The following HDX variants were observed in gnomAD, a reference collection of about 807,000 sequenced individuals.
HDX encodes the protein highly divergent homeobox.
HDX carries 19 observed loss-of-function variants against 45.2 expected under a neutral mutation model. The ratio of observed to expected loss-of-function variants is 0.42; its 90% CI spans 0.29 to 0.62. HDX has a LOEUF of 0.62. Ranked by LOEUF, HDX falls within the 20% of genes least tolerant of loss-of-function variation. The pLI is 0.20. For missense variants in HDX, 532 were observed against 493.9 expected (o/e 1.08, Z -0.73); for synonymous variants, 188 against 172.8 (o/e 1.09, Z -0.69).
At chrX:84,455,489 C>T (rs573780666) in intron 4 of HDX, among the ~76,000 whole-genome samples, 36 of 111,488 alleles carry the variant, frequency 3.2e-4, no homozygotes, top group African/African-American at 1.0e-3. Flanking sequence ...AAAGAATTGG[C>T]GAGCTTGGAG....
Position 84,347,793 on chromosome X carries a change from TGAGG to T in HDX, c.1453-3340_1453-3337del, listed in dbSNP as rs764261853. ...ACTGCCTTCTTGCTTGCATAGTTTC[TGAGG>T]AAAAGTCAGATTTAATTCTTATTTT... On this transcript the variant is annotated intron_variant, in intron 6 of 10. Coordinates refer to ENST00000373177, the MANE Select transcript of HDX (RefSeq NM_001177479.2). Among the ~76,000 whole-genome samples the T allele has an allele frequency of 2.6e-3, 291 of 111,890 alleles. 2 individuals are homozygous for T. The highest frequency in any genetic ancestry group is 9.1e-3 in the African/African-American group (282 of 30,884).
chrX:84,378,802 AT>A (rs1257471513), intron 5 of HDX, among the ~76,000 whole-genome samples: 2 of 111,567 alleles, frequency 1.8e-5, no homozygotes, highest in Non-Finnish European at 3.8e-5. Context: ...GTCCTTACTT[AT>A]TGATAATAAC....
chrX:84,501,470 G>T (rs1011703983), intron 1 of HDX: 1 of 111,910 alleles, frequency 8.9e-6, no homozygotes, highest in African/African-American at 3.2e-5. Flanking sequence ...TCTTTCCAAA[G>T]AATTTAAGGT....
At chrX:84,359,850 C>A (rs762130572) in intron 6 of HDX, among the ~76,000 whole-genome samples, 4 of 111,620 alleles carry the variant, frequency 3.6e-5, no homozygotes, top group Non-Finnish European at 7.5e-5. Context: ...CAAGGCAATA[C>A]CATTCAGGAC....
At chrX:84,477,773 T>G (rs149444492) in intron 2 of HDX, among the ~76,000 whole-genome samples, 1,732 of 111,888 alleles carry the variant, frequency 0.015, 27 homozygotes, top group African/African-American at 0.053. Context: ...ACTTTTAAAG[T>G]TGGGTTTTTA....
In HDX at chrX:84,469,044, T is replaced by C; in HGVS notation, c.679A>G (p.Ile227Val). The part of the protein sequence containing the change: ...HRPCKIEPVG[I>V]QRSYKPEHTG... ...TGTTCAGGCTTATATGACCTTTGAA[T>C]CCCAACTGGTTCAATTTTACAAGGT... The change falls in exon 4 of 11, where the codon ATT becomes GTT. Residue 227 changes from isoleucine to valine, a missense_variant. Ile to Val is a conservative substitution (Grantham distance 29, BLOSUM62 3). Transcript: ENST00000373177. 8.3e-7 allele frequency: 1 copy of C among 1,209,955 alleles called. No individual in the cohort carries two copies. Among genetic ancestry groups the C allele is most frequent in the Non-Finnish European group, 1.1e-6 (1 of 895,147 alleles).
rs192187251 is a variant in HDX, at chrX:84,346,009, T to C, written c.1453-1552A>G. On this transcript the variant is annotated intron_variant, in intron 6 of 10. Transcript: ENST00000373177. ...AGAAGTTCTTTATATATTCTAAATATGAATTCTATGTAATATATGTGGTTT... is the reference window on the plus strand; with the variant it reads ...AGAAGTTCTTTATATATTCTAAATACGAATTCTATGTAATATATGTGGTTT... Among the ~76,000 whole-genome samples, 17 of 111,743 alleles carry C rather than the reference T, an allele frequency of 1.5e-4. No homozygotes were observed. The East Asian group carries it at 4.8e-3, about 31-fold the overall frequency.
intron 5 of HDX, among the ~76,000 whole-genome samples, chrX:84,424,217 T>A (rs1225329830): frequency 9.0e-6 from 1 of 111,370 alleles, no homozygotes; most frequent in African/African-American, 3.3e-5. Context: ...CAATTTATAA[T>A]GGACACAAAT....
At chrX:84,437,732 A>T (rs1039153818) in intron 5 of HDX, among the ~76,000 whole-genome samples, 1 of 111,211 alleles carries the variant, frequency 9.0e-6, no homozygotes, top group Non-Finnish European at 1.9e-5. Flanking sequence ...TCAGGAATAC[A>T]TAGCACACTT....
chrX:84,498,250 C>T (rs1224734363), intron 1 of HDX, among the ~76,000 whole-genome samples: 1 of 111,620 alleles, frequency 9.0e-6, no homozygotes, highest in Non-Finnish European at 1.9e-5. Context: ...TGCCTTATAC[C>T]TAGATCTCTG....
intron 6 of HDX, among the ~76,000 whole-genome samples, chrX:84,359,471 C>T (rs2147844084): frequency 9.0e-6 from 1 of 110,805 alleles, no homozygotes; most frequent in African/African-American, 3.3e-5. Flanking sequence ...TGTTAGTTTG[C>T]TGAGGATAAT....
rs187174361 is a variant in HDX at position 84,423,572 on chromosome X, C to T, written c.1305+16960G>A. 2.7e-3 allele frequency among the ~76,000 whole-genome samples: 293 copies of T among 108,185 alleles called. 1 individual carries two copies. The highest frequency in any genetic ancestry group is 9.6e-3 in the African/African-American group (286 of 29,819). The allele number at this position is 108,185 out of a possible 115,157, so 93.9% of individuals were successfully genotyped here. A position where few individuals can be genotyped will look rare whatever the true frequency, so the allele number is the denominator to read the frequency against. On this transcript the variant is annotated intron_variant, in intron 5 of 10. Transcript: ENST00000373177. ...GACACAAAAAATTTTCAGCAAAACACTAGCAAACTAAATTCAATAATACAG... is the reference window on the plus strand; with the variant it reads ...GACACAAAAAATTTTCAGCAAAACATTAGCAAACTAAATTCAATAATACAG...
chrX:84,456,908 A>G (rs1157857627), intron 4 of HDX, among the ~76,000 whole-genome samples: 1 of 111,813 alleles, frequency 8.9e-6, no homozygotes, highest in Non-Finnish European at 1.9e-5. Context: ...AGAGACAGAT[A>G]GACTCCAACA....
At chrX:84,451,337 G>T (rs964030616) in intron 4 of HDX, among the ~76,000 whole-genome samples, 13 of 110,708 alleles carry the variant, frequency 1.2e-4, no homozygotes, top group African/African-American at 4.3e-4. Flanking sequence ...ATGAAAAATA[G>T]ACATTGCAAC....
At chrX:84,461,815 T>C (rs1378620404) in intron 4 of HDX, among the ~76,000 whole-genome samples, 1 of 111,892 alleles carries the variant, frequency 8.9e-6, no homozygotes. Flanking sequence ...CAAACAACTC[T>C]ATAAGAAAAA....
intron 2 of HDX, among the ~76,000 whole-genome samples, chrX:84,481,550 T>C (rs1389215153): frequency 3.6e-5 from 4 of 111,188 alleles, no homozygotes; most frequent in Non-Finnish European, 5.7e-5. Context: ...CCTACAGCAC[T>C]CTATTAACCT....
chrX:84,376,009 A>G (rs773474584), intron 5 of HDX, among the ~76,000 whole-genome samples: 1 of 112,712 alleles, frequency 8.9e-6, no homozygotes, highest in South Asian at 3.6e-4. Flanking sequence ...AAGATGGCAG[A>G]ATAGAAGGCT....
chrX:84,437,408 C>T (rs1376576569), intron 5 of HDX, among the ~76,000 whole-genome samples: 1 of 111,044 alleles, frequency 9.0e-6, no homozygotes, highest in Non-Finnish European at 1.9e-5. Flanking sequence ...GCTGGGACTA[C>T]AGGCACATAT....
rs2036567900 is a variant in HDX, at chrX:84,320,036, T to C, written c.*1853A>G. 9.0e-6 allele frequency: 1 copy of C among 111,139 alleles called. No homozygotes were observed. The highest frequency in any genetic ancestry group is 1.9e-5 in the Non-Finnish European group (1 of 52,510). 9.2% of individuals were successfully genotyped at this position (111,139 alleles called of 1,213,427 possible). A position where few individuals can be genotyped will look rare whatever the true frequency, so the allele number is the denominator to read the frequency against. ...ATATTTGAAAGATAAACTCAATGAC[T>C]ATGAAGCAGACCCTAGGAGAGACTT... On this transcript the variant is annotated 3_prime_UTR_variant, in exon 11 of 11. Transcript: ENST00000373177.
Sources: allele counts gnomAD v4.1 joint callset (sites outside exome capture counted in the v4.1 genomes callset), GRCh38; gene constraint gnomAD v4.1.1; transcripts MANE v1.5; gene names NCBI Gene and HGNC (gene_info 2026-07-23, HGNC 2026-07-21).